DGKI: variants seen among roughly 807,000 people sequenced by gnomAD.
The protein encoded by DGKI is DAG kinase iota.
DGKI carries 55 observed loss-of-function variants against 147.5 expected under a neutral mutation model. That is an observed-to-expected ratio of 0.37 (90% confidence interval 0.30 to 0.47). The LOEUF is 0.47. Ranked by LOEUF, DGKI falls within the 20% of genes least tolerant of loss-of-function variation. DGKI has a pLI of 1.00. For synonymous variants in DGKI, 469 were observed against 477.1 expected (o/e 0.98, Z 0.22); for missense variants, 1,007 against 1,323.8 (o/e 0.76, Z 3.71).
Position 137,756,170 on chromosome 7 carries a change from T to C in DGKI, c.402-66168A>G, listed in dbSNP as rs371619282. On this transcript the variant is annotated intron_variant, in intron 1 of 32. Coordinates refer to ENST00000614521, the MANE Select transcript of DGKI (RefSeq NM_001321708.2). ...GCAGAGGCTTTAATAACCAAGCAGATAGGAGATCTCTCTCCTGTTTCCAAG... is the reference window on the plus strand; with the variant it reads ...GCAGAGGCTTTAATAACCAAGCAGACAGGAGATCTCTCTCCTGTTTCCAAG... Among the ~76,000 whole-genome samples the C allele has an allele frequency of 9.2e-5, 14 of 152,306 alleles. No homozygotes were observed. In the East Asian group the frequency reaches 2.5e-3, roughly 27 times the overall value.
Position 137,623,513 on chromosome 7 carries a change from C to T in DGKI, c.846G>A (p.Val282=), listed in dbSNP as rs1820824854. Residue 282 remains valine, a synonymous_variant, in exon 7 of 33, where the codon GTG becomes GTA. Coordinates refer to ENST00000614521, the MANE Select transcript of DGKI (RefSeq NM_001321708.2). ...GCTTGCACCAGGAACAGCTGATAGC[C>T]ACAATCTCTTTACTGTGGAAGGAGA... ...QKFSFHSKEI[V]AISCSWCKQA... 4 of 1,614,102 alleles carry T rather than the reference C, an allele frequency of 2.5e-6. No individual in the cohort carries two copies. The East Asian group carries it at 8.9e-5, about 36-fold the overall frequency.
chr7:137,737,505 GT>G, intron 1 of DGKI, among the ~76,000 whole-genome samples: 1 of 140,702 alleles, frequency 7.1e-6, no homozygotes, highest in East Asian at 2.1e-4. Context: ...TAGTCCCTTC[GT>G]TTTATTAAAA....
At chr7:137,817,666 G>A (rs1012480118) in intron 1 of DGKI, among the ~76,000 whole-genome samples, 3 of 152,166 alleles carry the variant, frequency 2.0e-5, no homozygotes, top group Non-Finnish European at 4.4e-5. Context: ...GAGGATATTT[G>A]GTAGGTCACA....
chr7:137,518,223 T>C (rs1816847549), intron 21 of DGKI, among the ~76,000 whole-genome samples: 1 of 152,118 alleles, frequency 6.6e-6, no homozygotes, highest in Non-Finnish European at 1.5e-5. Flanking sequence ...CAGCATTACA[T>C]TTAACCCTCA....
rs57953468 is a variant in DGKI at position 137,472,320 on chromosome 7, T to TATAA, written c.2374-2702_2374-2701insTTAT. 8.1e-4 allele frequency among the ~76,000 whole-genome samples: 10 copies of TATAA among 12,302 alleles called. 1 individual carries two copies. Among genetic ancestry groups the TATAA allele is most frequent in the Admixed American group, 1.8e-3 (1 of 544 alleles). The allele number at this position is 12,302 out of a possible 152,430, so 8.1% of individuals were successfully genotyped here. ...TATATTTATGTGTATATACATATAATTATTATATGTATATATACATATAAT... is the reference window on the plus strand; with the variant it reads ...TATATTTATGTGTATATACATATAATATAATATTATATGTATATATACATATAAT... On this transcript the variant is annotated intron_variant, in intron 23 of 32. Coordinates refer to ENST00000614521, the MANE Select transcript of DGKI (RefSeq NM_001321708.2).
At chr7:137,731,103 A>G (rs1031024818) in intron 1 of DGKI, among the ~76,000 whole-genome samples, 1 of 151,862 alleles carries the variant, frequency 6.6e-6, no homozygotes, top group African/African-American at 2.4e-5. Flanking sequence ...GGGCCTTCAC[A>G]CCTGATCTCA....
At chr7:137,530,305 T>A (rs1817294738) in intron 20 of DGKI, among the ~76,000 whole-genome samples, 1 of 152,192 alleles carries the variant, frequency 6.6e-6, no homozygotes, top group Non-Finnish European at 1.5e-5. Flanking sequence ...GTTTGCCAAC[T>A]AAGTTACCAG....
intron 24 of DGKI, 101 bp from the exon 25 acceptor site, chr7:137,467,043 C>A (rs1009068261): frequency 2.7e-6 from 3 of 1,126,706 alleles, no homozygotes; most frequent in Non-Finnish European, 4.0e-6. Flanking sequence ...CCCTACATGG[C>A]AGTCATGCTA....
intron 7 of DGKI, 85 bp from the exon 8 acceptor site, chr7:137,620,025 A>ACC: frequency 1.4e-5 from 9 of 665,704 alleles, no homozygotes; most frequent in Non-Finnish European, 2.3e-5. Flanking sequence ...ACACGCACAC[A>ACC]CACACACACA....
intron 5 of DGKI, among the ~76,000 whole-genome samples, chr7:137,650,277 G>A (rs1034400319): frequency 6.6e-6 from 1 of 152,016 alleles, no homozygotes; most frequent in African/African-American, 2.4e-5. Context: ...ATTAATTTAG[G>A]ACAAAATCTA....
intron 23 of DGKI, among the ~76,000 whole-genome samples, chr7:137,484,329 A>T (rs1815476951): frequency 6.6e-6 from 1 of 152,118 alleles, no homozygotes. Flanking sequence ...TGGAAATTTC[A>T]GGCATGGGAA....
chr7:137,449,744 TA>T (rs930570565), intron 27 of DGKI, among the ~76,000 whole-genome samples: 1 of 152,114 alleles, frequency 6.6e-6, no homozygotes, highest in Non-Finnish European at 1.5e-5. Flanking sequence ...AAAATAGAAC[TA>T]CCATATGATT....
chr7:137,842,203 AG>A (rs1798564049), intron 1 of DGKI, among the ~76,000 whole-genome samples: 1 of 152,226 alleles, frequency 6.6e-6, no homozygotes, highest in Admixed American at 6.5e-5. Context: ...TCAGGAGAAA[AG>A]TTCCCCCATA....
chr7:137,572,876 T>A, intron 17 of DGKI, 38 bp from the exon 18 acceptor site: 1 of 1,479,808 alleles, frequency 6.8e-7, no homozygotes, highest in Non-Finnish European at 9.3e-7. Flanking sequence ...TTTGAAGTAG[T>A]CACAAGTCTA....
At chr7:137,469,743 T>G (rs1814808818) in intron 23 of DGKI, 124 bp from the exon 24 acceptor site, 1 of 706,098 alleles carries the variant, frequency 1.4e-6, no homozygotes, top group African/African-American at 1.8e-5. Context: ...ACATTTTTTT[T>G]TCTCTAGGAA....
intron 1 of DGKI, among the ~76,000 whole-genome samples, chr7:137,765,756 T>C (rs1033038709): frequency 6.6e-5 from 10 of 152,214 alleles, no homozygotes; most frequent in Non-Finnish European, 1.2e-4. Context: ...CAGGTCTGGA[T>C]GGACTCTAAG....
At chr7:137,517,303 G>C (rs984486578) in intron 21 of DGKI, among the ~76,000 whole-genome samples, 1 of 97,554 alleles carries the variant, frequency 1.0e-5, no homozygotes, top group African/African-American at 4.3e-5. Context: ...AAGAAAGAAA[G>C]AAAGAAAGAA....
rs186283737 is a variant in DGKI, at chr7:137,642,438, T to C, written c.804+3034A>G. 9.5e-4 allele frequency among the ~76,000 whole-genome samples: 144 copies of C among 152,348 alleles called. 1 individual carries two copies. Among genetic ancestry groups the C allele is most frequent in the African/African-American group, 3.4e-3 (142 of 41,584 alleles). On this transcript the variant is annotated intron_variant, in intron 6 of 32. Transcript: ENST00000614521. The stretch of plus-strand genomic sequence containing the variant: ...CATTAGTCACAGTGTTCTCCATTTT[T>C]TCTTGTGGTTCCACCCACCATCCCC...
chr7:137,663,377 G>A (rs1199497227), intron 3 of DGKI, among the ~76,000 whole-genome samples: 2 of 152,296 alleles, frequency 1.3e-5, no homozygotes, highest in Middle Eastern at 3.4e-3. Context: ...CCAGTAAAAA[G>A]GGTCTAGCAG....
Sources: allele counts gnomAD v4.1 joint callset (sites outside exome capture counted in the v4.1 genomes callset), GRCh38; gene constraint gnomAD v4.1.1; transcripts MANE v1.5; gene names NCBI Gene and HGNC (gene_info 2026-07-23, HGNC 2026-07-21).